Variants in PHTF2 observed in about 807,000 individuals in gnomAD.
PHTF2 encodes protein PHTF2.
In PHTF2, 60 loss-of-function variants were observed where a neutral mutation model predicts 101.2. The observed-to-expected ratio is 0.59, with a 90% CI of 0.48 to 0.73. The LOEUF is 0.73. Among genes scored for constraint, PHTF2 ranks in the 30% least tolerant of loss-of-function variants. The pLI is 0.00. For synonymous variants in PHTF2, 311 were observed against 307.3 expected, an observed-to-expected ratio of 1.01 and a Z score of -0.13; for missense variants, 747 against 908.7, an observed-to-expected ratio of 0.82 and a Z score of 2.29.
At chr7:77,940,177 A>C in exon 14 of PHTF2, 3 of 1,613,742 alleles carry the variant, frequency 1.9e-6, no homozygotes, top group Non-Finnish European at 2.5e-6. Context: ...ACTTTATGTG[A>C]TTGCATTTGG....
At chr7:77,942,636 A>G in intron 15 of PHTF2, 64 bp from the exon 15 acceptor site, 1 of 872,994 alleles carries the variant, frequency 1.1e-6, no homozygotes, top group South Asian at 1.6e-5. Context: ...CATGGAAATT[A>G]TCTGCTGATT....
chr7:77,897,512 A>T (rs938370582), intron 5 of PHTF2, among the ~76,000 whole-genome samples: 2 of 151,930 alleles, frequency 1.3e-5, no homozygotes, highest in African/African-American at 2.4e-5. Flanking sequence ...TAGTAGTTTT[A>T]AAAATCTCAT....
intron 3 of PHTF2, among the ~76,000 whole-genome samples, chr7:77,855,823 T>C (rs1797132862): frequency 6.6e-6 from 1 of 152,212 alleles, no homozygotes; most frequent in Admixed American, 6.5e-5. Context: ...CACGTTGATA[T>C]ACTCTGTCCA....
chr7:77,923,345 C>T, intron 11 of PHTF2: 20 of 962,886 alleles, frequency 2.1e-5, no homozygotes, highest in Non-Finnish European at 2.3e-5. Context: ...GAACATTTGG[C>T]TTTAAGGCAA....
chr7:77,877,490 T>C (rs1010197641), intron 3 of PHTF2, among the ~76,000 whole-genome samples: 2 of 152,236 alleles, frequency 1.3e-5, no homozygotes, highest in African/African-American at 4.8e-5. Context: ...AGTTAAATTA[T>C]CTTTGCTAAA....
At chr7:77,955,360 T>C (rs893814700) in exon 20 of PHTF2, 1 of 152,754 alleles carries the variant, frequency 6.5e-6, no homozygotes. Flanking sequence ...TTTGGAACAA[T>C]GCCAGGATCC....
intron 1 of PHTF2, among the ~76,000 whole-genome samples, chr7:77,814,593 C>T (rs909290161): frequency 6.7e-6 from 1 of 150,352 alleles, no homozygotes; most frequent in South Asian, 2.1e-4. Context: ...CTCATTGCAA[C>T]TTCTAACTCC....
At chr7:77,951,509 A>G in intron 17 of PHTF2, 108 bp from the exon 17 acceptor site, 1 of 535,914 alleles carries the variant, frequency 1.9e-6, no homozygotes, top group East Asian at 3.4e-5. Context: ...AAAGACTATT[A>G]AAATCACCTA....
intron 2 of PHTF2, among the ~76,000 whole-genome samples, chr7:77,851,861 T>C (rs1796789365): frequency 6.6e-6 from 1 of 152,238 alleles, no homozygotes; most frequent in Admixed American, 6.5e-5. Context: ...GATTAAACTT[T>C]CCTCTTAGTA....
At chr7:77,944,858 A>G (rs1429117015) in intron 16 of PHTF2, among the ~76,000 whole-genome samples, 1 of 152,248 alleles carries the variant, frequency 6.6e-6, no homozygotes, top group Non-Finnish European at 1.5e-5. Flanking sequence ...TTTGCTTTTC[A>G]CTGCTGGAAC....
chr7:77,870,993 G>A (rs932371024), intron 3 of PHTF2, among the ~76,000 whole-genome samples: 7 of 152,174 alleles, frequency 4.6e-5, no homozygotes, highest in Admixed American at 6.5e-5. Context: ...AAAAGAAGGA[G>A]GAAACACTCA....
At chr7:77,900,440 T>C (rs2150827752) in intron 5 of PHTF2, among the ~76,000 whole-genome samples, 1 of 152,306 alleles carries the variant, frequency 6.6e-6, no homozygotes. Context: ...CTAAATTTGC[T>C]TGGTAGTAAT....
At chr7:77,840,735 G>A (rs2150578566) in intron 2 of PHTF2, among the ~76,000 whole-genome samples, 1 of 152,054 alleles carries the variant, frequency 6.6e-6, no homozygotes, top group East Asian at 1.9e-4. Flanking sequence ...AAATATTAAA[G>A]TGTTTATTTT....
At chr7:77,805,052 T>A (rs1046762441) in intron 1 of PHTF2, among the ~76,000 whole-genome samples, 2 of 152,160 alleles carry the variant, frequency 1.3e-5, no homozygotes, top group Non-Finnish European at 2.9e-5. Context: ...TAGGCTCTAG[T>A]TTTTCTTTGT....
intron 18 of PHTF2, 123 bp from the exon 18 acceptor site, chr7:77,953,646 C>G: frequency 2.8e-6 from 2 of 720,866 alleles, no homozygotes; most frequent in Non-Finnish European, 4.4e-6. Flanking sequence ...TTTATCCTTT[C>G]TAAAAGCATC....
intron 2 of PHTF2, among the ~76,000 whole-genome samples, chr7:77,847,585 A>C (rs1421368619): frequency 1.3e-5 from 2 of 152,212 alleles, no homozygotes; most frequent in Non-Finnish European, 2.9e-5. Context: ...GTTCATGTTT[A>C]TAGGTACATA....
chr7:77,940,092 G>C (rs1805512862), exon 14 of PHTF2: 1 of 1,613,306 alleles, frequency 6.2e-7, no homozygotes, highest in African/African-American at 1.3e-5. Flanking sequence ...CTCTCATACT[G>C]GGTTTAACTC....
intron 3 of PHTF2, among the ~76,000 whole-genome samples, chr7:77,857,839 G>C (rs1231500401): frequency 6.6e-6 from 1 of 152,198 alleles, no homozygotes; most frequent in East Asian, 1.9e-4. Context: ...ATTTATTTAA[G>C]GATTAATTAT....
intron 11 of PHTF2, among the ~76,000 whole-genome samples, chr7:77,928,464 A>T (rs1804265564): frequency 6.6e-6 from 1 of 152,060 alleles, no homozygotes; most frequent in South Asian, 2.1e-4. Flanking sequence ...AAACAAAAAC[A>T]GTAGATAAAT....
Sources: gnomAD v4.1 joint callset for allele counts (sites outside exome capture counted in the v4.1 genomes callset) on GRCh38, gnomAD v4.1.1 for gene constraint, MANE v1.5 for transcripts, NCBI Gene and HGNC (gene_info 2026-07-23, HGNC 2026-07-21) for gene names.